The following HEXD variants were observed in gnomAD, a reference collection of about 807,000 sequenced individuals.
The protein encoded by HEXD is hexosaminidase D.
In HEXD, 47 loss-of-function variants were observed where a neutral mutation model predicts 54.2. The ratio of observed to expected loss-of-function variants is 0.87; its 90% CI spans 0.69 to 1.11. The LOEUF (loss-of-function observed/expected upper bound fraction) is 1.11. HEXD is among the 50% of genes least tolerant of loss of function. The pLI is 0.00. For missense variants in HEXD, 576 were observed against 649.2 expected (o/e 0.89, Z 1.23); for synonymous variants, 293 against 287.6 (o/e 1.02, Z -0.19).
rs892417532 is a variant in HEXD at position 82,433,945 on chromosome 17, C to T, written c.447+123C>T. ...AGGCTTGTTGTTCCCCTCAGGGCAC[C>T]CCATCCAACATCTTCTCCGAGTGGA... On this transcript the variant is annotated intron_variant, in intron 5 of 12. Coordinates refer to ENST00000327949, the MANE Select transcript of HEXD (RefSeq NM_001330542.2). 3 of 895,980 alleles carry T rather than the reference C, an allele frequency of 3.3e-6. No individual in the cohort carries two copies. In the African/African-American group the frequency reaches 5.4e-5, roughly 16 times the overall value. The allele number at this position is 895,980 out of a possible 1,614,324, so 55.5% of individuals were successfully genotyped here. A position where few individuals can be genotyped will look rare whatever the true frequency, so the allele number is the denominator to read the frequency against.
rs568084428 is a variant in HEXD at position 82,440,201 on chromosome 17, G to A, written c.982+488G>A. ...GTCGGCAGGGGGCTTGGCCAGAGGA[G>A]CTGTGTGTGTGGAAACTCGCAGGCC... On this transcript the variant is annotated intron_variant, in intron 9 of 12. Transcript: ENST00000327949. 70 of 1,289,348 alleles carry A rather than the reference G, an allele frequency of 5.4e-5. No individual in the cohort carries two copies. The South Asian group carries it at 8.4e-4, about 15-fold the overall frequency. The allele number at this position is 1,289,348 out of a possible 1,614,324, so 79.9% of individuals were successfully genotyped here.
Position 82,439,623 on chromosome 17 carries a change from G to A in HEXD, c.900-8G>A. ...CTGCGGAGCTAAGCGCCCCTCTCATGGACCCAGGTACGACCACTACTCTGT... is the reference window on the plus strand; with the variant it reads ...CTGCGGAGCTAAGCGCCCCTCTCATAGACCCAGGTACGACCACTACTCTGT... On this transcript the variant is annotated splice_region_variant and splice_polypyrimidine_tract_variant and intron_variant, in intron 8 of 12. Transcript: ENST00000327949. 1 of 1,535,642 alleles carries A rather than the reference G, an allele frequency of 6.5e-7. No individual in the cohort carries two copies. The highest frequency in any genetic ancestry group is 1.2e-5 in the South Asian group (1 of 81,736).
At chr17:82,433,323 TC>T (rs2053665903) in intron 4 of HEXD, among the ~76,000 whole-genome samples, 1 of 147,996 alleles carries the variant, frequency 6.8e-6, no homozygotes, top group Non-Finnish European at 1.5e-5. Context: ...ATGCCTGTAA[TC>T]CCCAGCTACT....
rs1220664304 is a variant in HEXD, at chr17:82,428,537, CTA to C, written c.195-19_195-18del. ...ACGTGCTGCTCACATGACCCTCTCTCTATGAATTTTGTCTCTCCAGCCCCTCT... is the reference window on the plus strand; with the variant it reads ...ACGTGCTGCTCACATGACCCTCTCTCTGAATTTTGTCTCTCCAGCCCCTCT... On this transcript the variant is annotated intron_variant, in intron 3 of 12. Coordinates refer to ENST00000327949, the MANE Select transcript of HEXD (RefSeq NM_001330542.2). The C allele has an allele frequency of 7.5e-6, 12 of 1,609,432 alleles. No individual in the cohort carries two copies. The highest frequency in any genetic ancestry group is 1.0e-5 in the Non-Finnish European group (12 of 1,176,068).
At chr17:82,437,774 A>C (rs966632733) in intron 8 of HEXD, among the ~76,000 whole-genome samples, 6 of 152,196 alleles carry the variant, frequency 3.9e-5, no homozygotes, top group Non-Finnish European at 8.8e-5. Context: ...TTCAAGGCCA[A>C]GTGTGGTGAG....
At chr17:82,428,685 G>A in intron 4 of HEXD, 40 bp downstream of exon 4, 1 of 1,559,408 alleles carries the variant, frequency 6.4e-7, no homozygotes, top group Non-Finnish European at 8.8e-7. Context: ...GCCAGGTGTG[G>A]GGTCCAGGGG....
At chr17:82,429,146 G>A (rs2053505374) in intron 4 of HEXD, among the ~76,000 whole-genome samples, 1 of 152,126 alleles carries the variant, frequency 6.6e-6, no homozygotes, top group Non-Finnish European at 1.5e-5. Flanking sequence ...TGTAGTCCCA[G>A]CTGCTCGGGA....
At chr17:82,429,273 A>G (rs903062314) in intron 4 of HEXD, among the ~76,000 whole-genome samples, 2 of 151,808 alleles carry the variant, frequency 1.3e-5, no homozygotes, top group African/African-American at 4.9e-5. Context: ...AAATATATAT[A>G]TACACATATT....
chr17:82,431,733 A>G (rs1277521169), intron 4 of HEXD, among the ~76,000 whole-genome samples: 1 of 152,078 alleles, frequency 6.6e-6, no homozygotes, highest in East Asian at 1.9e-4. Context: ...CATTCTTACA[A>G]TATATTCATA....
Position 82,442,147 on chromosome 17 carries a change from A to G in HEXD, c.1254-30A>G, listed in dbSNP as rs200491449. On this transcript the variant is annotated intron_variant, in intron 12 of 12. Transcript: ENST00000327949. This position sits in a 1 kb window ranked among gnomAD's most constrained non-coding sequence, Gnocchi z 6.8. ...CTGAGGGCAAGTCCCAAGTGTGCAG[A>G]CTGTGCGTTCATGGCGCCCTCACCT... 1.9e-6 allele frequency: 3 copies of G among 1,583,338 alleles called. No homozygotes were observed. Among genetic ancestry groups the G allele is most frequent in the Admixed American group, 1.7e-5 (1 of 59,526 alleles).
chr17:82,442,258 G>T lies in HEXD; in HGVS notation c.1335G>T (p.Glu445Asp), dbSNP rs1412991499. ...CTTTCTACCCGGATGCCGTGGAGGA[G>T]TGGCTGGAGGAAAACGTGCACCCCA... ...QLAFYPDAVE[E>D]WLEENVHPSL... Residue 445 changes from glutamate to aspartate, a missense_variant, in exon 13 of 13, where the codon GAG (glutamate) becomes GAT (aspartate). Glu to Asp is a conservative substitution (Grantham distance 45). Coordinates refer to ENST00000327949, the MANE Select transcript of HEXD (RefSeq NM_001330542.2). This position sits in a 1 kb window ranked among gnomAD's most constrained non-coding sequence, Gnocchi z 6.8. The T allele has an allele frequency of 6.2e-7, 1 of 1,606,592 alleles. No homozygotes were observed. Among genetic ancestry groups the T allele is most frequent in the Non-Finnish European group, 8.5e-7 (1 of 1,179,920 alleles).
chr17:82,438,064 C>G (rs2053823526), intron 8 of HEXD, among the ~76,000 whole-genome samples: 1 of 152,046 alleles, frequency 6.6e-6, no homozygotes, highest in Non-Finnish European at 1.5e-5. Flanking sequence ...TGGTGAAACC[C>G]CATCTCTACT....
chr17:82,433,128 A>ATATATATATTTTTTTTTTTT (rs71168109), intron 4 of HEXD, among the ~76,000 whole-genome samples: 1 of 13,074 alleles, frequency 7.6e-5, no homozygotes, highest in South Asian at 4.5e-3. Flanking sequence ...ATATATATAT[A>ATATATATATTTTTTTTTTTT]TTTTTTTTTT....
chr17:82,439,980 A>G (rs1302054331), intron 9 of HEXD: 19 of 1,459,870 alleles, frequency 1.3e-5, no homozygotes, highest in Non-Finnish European at 1.7e-5. Flanking sequence ...ATCCGCAGAA[A>G]TGCACGCAGG....
chr17:82,437,029 G>C (rs1044268051), intron 7 of HEXD, 139 bp from the exon 8 acceptor site: 2 of 781,020 alleles, frequency 2.6e-6, no homozygotes, highest in Non-Finnish European at 4.3e-6. Context: ...ATACACTCTG[G>C]AGTCTCCTAC....
chr17:82,442,573 C>A lies in HEXD; in HGVS notation c.*189C>A. 6.3e-7 allele frequency: 1 copy of A among 1,577,216 alleles called. No homozygotes were observed. Among genetic ancestry groups the A allele is most frequent in the Non-Finnish European group, 8.7e-7 (1 of 1,152,952 alleles). ...CTAGAAAACACAGAAGGAAGCAGCA[C>A]AGGGAGACCCGCTTTGTGATCTGCA... On this transcript the variant is annotated 3_prime_UTR_variant, in exon 13 of 13. Transcript: ENST00000327949. The surrounding 1 kb of genome is among the most constrained non-coding windows in gnomAD (Gnocchi z 6.8).
chr17:82,439,556 C>T (rs866566402), intron 8 of HEXD, 75 bp from the exon 9 acceptor site: 58 of 1,496,044 alleles, frequency 3.9e-5, no homozygotes, highest in Middle Eastern at 2.1e-4. Flanking sequence ...ACAGCAGGGA[C>T]GTCCGAAGTC....
chr17:82,424,555 G>T, intron 3 of HEXD, 52 bp downstream of exon 3: 1 of 1,356,968 alleles, frequency 7.4e-7, no homozygotes. Flanking sequence ...CGGGGAAGGG[G>T]GGGTTCCGCA....
chr17:82,427,838 C>T (rs995553298), intron 3 of HEXD, among the ~76,000 whole-genome samples: 1 of 152,090 alleles, frequency 6.6e-6, no homozygotes, highest in African/African-American at 2.4e-5. Flanking sequence ...ACGAAGAGGT[C>T]GACCCGGGGC....
Sources: gnomAD v4.1 joint callset for allele counts (sites outside exome capture counted in the v4.1 genomes callset) on GRCh38, gnomAD v4.1.1 for gene constraint, Gnocchi (gnomAD v3.1) non-coding constraint, MANE v1.5 for transcripts, NCBI Gene and HGNC (gene_info 2026-07-23, HGNC 2026-07-21) for gene names.